Variants in RAD50 observed in about 807,000 individuals in gnomAD.
RAD50 encodes DNA repair protein RAD50.
Under a neutral mutation model 168.8 loss-of-function variants are expected in RAD50, and 132 were observed. That is an observed-to-expected ratio of 0.78 (90% CI 0.68 to 0.90). The LOEUF (loss-of-function observed/expected upper bound fraction) is 0.90, where lower values mean the gene tolerates loss of function less well. RAD50 is among the 40% of genes least tolerant of loss of function. The pLI is 0.00. For missense variants in RAD50, 1,347 were observed against 1,534.4 expected, an observed-to-expected ratio of 0.88 and a Z score of 2.04; for synonymous variants, 525 against 497.4, an observed-to-expected ratio of 1.06 and a Z score of -0.74.
At chr5:132,593,095 A>G in intron 11 of RAD50, 1 of 273,474 alleles carries the variant, frequency 3.7e-6, no homozygotes, top group South Asian at 3.5e-5. Context: ...CATCTTTAAT[A>G]TCGTCTCATC....
At chr5:132,569,355 A>T (rs1289374621) in intron 2 of RAD50, among the ~76,000 whole-genome samples, 1 of 152,236 alleles carries the variant, frequency 6.6e-6, no homozygotes, top group Non-Finnish European at 1.5e-5. Context: ...ATGAAAAGAA[A>T]GCTGAAGTGA....
chr5:132,591,129 T>C, intron 9 of RAD50, 95 bp from the exon 10 acceptor site: 5 of 1,256,684 alleles, frequency 4.0e-6, no homozygotes, highest in Non-Finnish European at 5.8e-6. Flanking sequence ...TTTGGAACAT[T>C]CTGAGGAGTA....
rs1266952118 is a variant in RAD50 at position 132,643,545 on chromosome 5, G to GAATT, written c.*1184_*1187dup. On this transcript the variant is annotated 3_prime_UTR_variant, in exon 25 of 25. Transcript: ENST00000378823. ...GCTTTTCTCAACTGGGTCCAGAAGA[G>GAATT]AATTAAGCCCTAAGGTCCTAAGGCA... 7 of 233,346 alleles carry GAATT rather than the reference G, an allele frequency of 3.0e-5. No individual in the cohort carries two copies. Among genetic ancestry groups the GAATT allele is most frequent in the Admixed American group, 5.4e-5 (1 of 18,472 alleles). The allele number at this position is 233,346 out of a possible 1,614,324, so 14.5% of individuals were successfully genotyped here. A position where few individuals can be genotyped will look rare whatever the true frequency, so the allele number is the denominator to read the frequency against.
chr5:132,618,890 C>T (rs1191783072), intron 21 of RAD50, among the ~76,000 whole-genome samples: 2 of 152,188 alleles, frequency 1.3e-5, no homozygotes, highest in Admixed American at 6.5e-5. Context: ...TTATCTCAAC[C>T]TTCTGTCATC....
chr5:132,635,777 T>G (rs1332375550), intron 21 of RAD50, among the ~76,000 whole-genome samples: 5 of 152,070 alleles, frequency 3.3e-5, no homozygotes, highest in Admixed American at 2.0e-4. Context: ...AGGCAGTCTT[T>G]ACATGATTGG....
rs1751403851 is a variant in RAD50 at position 132,628,367 on chromosome 5, T to C, written c.3390-8748T>C. ...GGAAAAGATTTTAAAAGATGTGGTA[T>C]CTTGAAAACCAAGTGAAGCAAATAT... is the stretch of plus-strand genomic sequence containing the variant. On this transcript the variant is annotated intron_variant, in intron 21 of 24. Transcript: ENST00000378823. 5.3e-5 allele frequency among the ~76,000 whole-genome samples: 8 copies of C among 151,878 alleles called. No homozygotes were observed. In the South Asian group the frequency reaches 1.7e-3, roughly 32 times the overall value.
At chr5:132,632,011 C>G (rs1751483513) in intron 21 of RAD50, among the ~76,000 whole-genome samples, 1 of 152,204 alleles carries the variant, frequency 6.6e-6, no homozygotes, top group East Asian at 1.9e-4. Context: ...TTTCCTAAAG[C>G]TGGTGGTCCC....
chr5:132,588,591 C>T (rs769778927), intron 7 of RAD50, 96 bp from the exon 8 acceptor site: 1 of 1,244,778 alleles, frequency 8.0e-7, no homozygotes, highest in African/African-American at 1.5e-5. Flanking sequence ...GTACAAGAGA[C>T]ACACTGCATT....
chr5:132,579,746 A>G, intron 4 of RAD50, 116 bp from the exon 5 acceptor site: 2 of 985,398 alleles, frequency 2.0e-6, no homozygotes. Flanking sequence ...GCATTTTACA[A>G]GTTATTAAAA....
At chr5:132,593,294 T>C (rs1346455370) in intron 11 of RAD50, 1 of 160,498 alleles carries the variant, frequency 6.2e-6, no homozygotes, top group African/African-American at 2.4e-5. Flanking sequence ...TGTTAGTGCC[T>C]TAAACTAGAT....
intron 21 of RAD50, among the ~76,000 whole-genome samples, chr5:132,619,965 C>T (rs566123397): frequency 8.6e-4 from 128 of 148,852 alleles, no homozygotes; most frequent in African/African-American, 3.0e-3. Context: ...AGTGCAGTGG[C>T]GCCATCTCGG....
At chr5:132,641,186 G>C (rs1751712659) in intron 24 of RAD50, among the ~76,000 whole-genome samples, 1 of 152,188 alleles carries the variant, frequency 6.6e-6, no homozygotes, top group South Asian at 2.1e-4. Context: ...AGTGGGTTTA[G>C]GACTGTCTCC....
At position 132,574,234 on chromosome 5, in the gene RAD50, C is replaced by T. The variant is rs147239518; in HGVS notation, c.214-1543C>T. On this transcript the variant is annotated intron_variant, in intron 2 of 24. Transcript: ENST00000378823. The stretch of plus-strand genomic sequence containing the variant: ...GCCTGGGCATCCAGGTGTTTCCATA[C>T]ACCCTCTGAAATCTAGGCAGAGGTT... Among the ~76,000 whole-genome samples, 231 of 152,348 alleles carry T rather than the reference C, an allele frequency of 1.5e-3. 1 individual carries two copies. The highest frequency in any genetic ancestry group is 5.1e-3 in the African/African-American group (214 of 41,574).
At chr5:132,570,720 C>T (rs979201810) in intron 2 of RAD50, among the ~76,000 whole-genome samples, 1 of 152,340 alleles carries the variant, frequency 6.6e-6, no homozygotes, top group Non-Finnish European at 1.5e-5. Context: ...TTCTCCATAT[C>T]AGCAGTAAGG....
rs1554099986 is a variant in RAD50 at position 132,619,855 on chromosome 5, G to GATATATATATATAAAGAT, written c.3389+1575_3389+1592dup. 1.7e-3 allele frequency among the ~76,000 whole-genome samples: 164 copies of GATATATATATATAAAGAT among 96,036 alleles called. 1 individual carries two copies. Among genetic ancestry groups the GATATATATATATAAAGAT allele is most frequent in the African/African-American group, 6.8e-3 (155 of 22,772 alleles). 63.0% of individuals were successfully genotyped at this position (96,036 alleles called of 152,430 possible). A position where few individuals can be genotyped will look rare whatever the true frequency, so the allele number is the denominator to read the frequency against. ...CTCTCTCTATATATATATATATAAA[G>GATATATATATATAAAGAT]ATATATATATATAAAGATATATATA... is the stretch of plus-strand genomic sequence containing the variant. On this transcript the variant is annotated intron_variant, in intron 21 of 24. Transcript: ENST00000378823.
intron 13 of RAD50, among the ~76,000 whole-genome samples, chr5:132,600,960 A>G (rs1750877348): frequency 6.6e-6 from 1 of 152,206 alleles, no homozygotes; most frequent in African/African-American, 2.4e-5. Flanking sequence ...TAATTTTAAA[A>G]AACCTTGTGA....
At chr5:132,642,093 G>A (rs1751734365) in intron 24 of RAD50, 85 bp from the exon 25 acceptor site, 3 of 1,406,192 alleles carry the variant, frequency 2.1e-6, no homozygotes, top group Admixed American at 1.7e-5. Context: ...AAGTTCATGT[G>A]TCTGACAAGG....
chr5:132,569,047 C>T (rs1750257374), intron 2 of RAD50, among the ~76,000 whole-genome samples: 2 of 152,086 alleles, frequency 1.3e-5, no homozygotes, highest in Non-Finnish European at 2.9e-5. Context: ...ATACAAAATT[C>T]ACAATCAAAA....
intron 5 of RAD50, among the ~76,000 whole-genome samples, chr5:132,584,107 C>G (rs1750553103): frequency 6.6e-6 from 1 of 152,118 alleles, no homozygotes; most frequent in Non-Finnish European, 1.5e-5. Context: ...TTTGGTTGAA[C>G]TAGTTTACAG....
Sources: gnomAD v4.1 joint callset for allele counts (sites outside exome capture counted in the v4.1 genomes callset) on GRCh38, gnomAD v4.1.1 for gene constraint, MANE v1.5 for transcripts, NCBI Gene and HGNC (gene_info 2026-07-23, HGNC 2026-07-21) for gene names.